The following HYDIN variants were observed in gnomAD, a reference collection of about 807,000 sequenced individuals.
HYDIN encodes HYDIN axonemal central pair apparatus protein.
In HYDIN, 132 loss-of-function variants were observed where a neutral mutation model predicts 403.9. That is an observed-to-expected ratio of 0.33 (90% CI 0.28 to 0.38). HYDIN has a LOEUF of 0.38. Among genes scored for constraint, HYDIN ranks in the 10% least tolerant of loss-of-function variants. The probability of loss-of-function intolerance (pLI) is 1.00; values close to 1 mark genes in which losing one functional copy is unlikely to be tolerated. For synonymous variants in HYDIN, 1,202 were observed against 1,891.7 expected (o/e 0.64, Z 9.46); for missense variants, 2,827 against 5,009.5 (o/e 0.56, Z 13.15).
At chr16:71,152,108 A>G (rs531842734) in intron 7 of HYDIN, among the ~76,000 whole-genome samples, 150 of 150,226 alleles carry the variant, frequency 1.0e-3, no homozygotes, top group African/African-American at 3.5e-3. Flanking sequence ...GACAACCTCA[A>G]TCCACCAGTG....
chr16:71,215,781 T>TG (rs1567463312), intron 1 of HYDIN, among the ~76,000 whole-genome samples: 1 of 144,106 alleles, frequency 6.9e-6, no homozygotes, highest in Non-Finnish European at 1.5e-5. Context: ...AAAACAATAT[T>TG]AAAAAAAAAA....
intron 41 of HYDIN, among the ~76,000 whole-genome samples, chr16:70,947,252 G>A (rs1195648791): frequency 6.8e-6 from 1 of 147,972 alleles, no homozygotes; most frequent in Admixed American, 6.8e-5. Flanking sequence ...AGCATGAAGG[G>A]TTGTTGAATT....
At chr16:70,887,652 C>G (rs977220471) in intron 58 of HYDIN, among the ~76,000 whole-genome samples, 1 of 151,022 alleles carries the variant, frequency 6.6e-6, no homozygotes, top group Admixed American at 6.6e-5. Context: ...ACAGGAATCC[C>G]TATTGTCTGT....
chr16:70,967,554 T>A (rs1330752455), intron 36 of HYDIN, among the ~76,000 whole-genome samples: 1 of 152,008 alleles, frequency 6.6e-6, no homozygotes, highest in African/African-American at 2.4e-5. Flanking sequence ...CGATCACAGC[T>A]CACTGCAACC....
chr16:71,224,082 A>C (rs1439002985), intron 1 of HYDIN, among the ~76,000 whole-genome samples: 2 of 152,250 alleles, frequency 1.3e-5, no homozygotes, highest in African/African-American at 4.8e-5. Flanking sequence ...AGAAAATGTA[A>C]AATGTGTATA....
Position 70,806,677 on chromosome 16 carries a change from TG to T in HYDIN, c.*902del, listed in dbSNP as rs756511529. On this transcript the variant is annotated 3_prime_UTR_variant, in exon 86 of 86. Coordinates refer to ENST00000393567, the MANE Select transcript of HYDIN (RefSeq NM_001270974.2). Reference sequence around the variant, plus strand: ...GTAGGAGGGCTGTGGGGGATGAGTGTGGGGAGCAGGTAGAGGCAGGGGGACC... The same window carrying T: ...GTAGGAGGGCTGTGGGGGATGAGTGTGGGAGCAGGTAGAGGCAGGGGGACC... 9.9e-5 allele frequency among the ~76,000 whole-genome samples: 15 copies of T among 152,016 alleles called. No homozygotes were observed. Among genetic ancestry groups the T allele is most frequent in the Non-Finnish European group, 1.8e-4 (12 of 67,980 alleles).
At chr16:70,927,800 T>C (rs1371586043) in intron 45 of HYDIN, among the ~76,000 whole-genome samples, 1 of 151,912 alleles carries the variant, frequency 6.6e-6, no homozygotes, top group Non-Finnish European at 1.5e-5. Flanking sequence ...AAGACAAAGA[T>C]AGAAAAATAA....
At chr16:71,061,965 G>A (rs1433961501) in intron 17 of HYDIN, among the ~76,000 whole-genome samples, 1 of 151,898 alleles carries the variant, frequency 6.6e-6, no homozygotes, top group Admixed American at 6.6e-5. Flanking sequence ...ATAAAACACC[G>A]CTTCTGTTAG....
chr16:70,965,153 T>C (rs1343642635), intron 36 of HYDIN, among the ~76,000 whole-genome samples: 17 of 152,076 alleles, frequency 1.1e-4, no homozygotes, highest in Non-Finnish European at 2.2e-4. Context: ...AAATATGTTT[T>C]CTTCTTGTTT....
At chr16:71,087,828 G>A (rs71403833) in intron 12 of HYDIN, 42,512 of 150,154 alleles carry the variant, frequency 0.28, 4,825 homozygotes, top group East Asian at 0.46. Flanking sequence ...CTGCTGCTGT[G>A]GGAATCCAAA....
At chr16:70,902,819 A>ATTTTTTTTTTT (rs1444020291) in intron 52 of HYDIN, among the ~76,000 whole-genome samples, 1 of 17,196 alleles carries the variant, frequency 5.8e-5, no homozygotes, top group African/African-American at 2.4e-4. Flanking sequence ...ATATATATAT[A>ATTTTTTTTTTT]TATTTTTTTT....
intron 18 of HYDIN, among the ~76,000 whole-genome samples, chr16:71,052,250 T>C (rs987052541): frequency 6.6e-6 from 1 of 151,724 alleles, no homozygotes; most frequent in African/African-American, 2.4e-5. Context: ...GTTATTGTTA[T>C]CATTAAGCTG....
chr16:70,945,536 C>A (rs1260156843), intron 41 of HYDIN, among the ~76,000 whole-genome samples: 1 of 152,150 alleles, frequency 6.6e-6, no homozygotes. Context: ...TTAAGTAATG[C>A]AACTGAGTGA....
At chr16:71,225,022 A>C (rs1271762069) in intron 1 of HYDIN, among the ~76,000 whole-genome samples, 1 of 152,176 alleles carries the variant, frequency 6.6e-6, no homozygotes, top group Non-Finnish European at 1.5e-5. Context: ...GAGGATTCTT[A>C]AGGTAAGAGG....
At chr16:70,931,818 C>T (rs1368266941) in intron 45 of HYDIN, among the ~76,000 whole-genome samples, 1 of 151,508 alleles carries the variant, frequency 6.6e-6, no homozygotes, top group Non-Finnish European at 1.5e-5. Context: ...AGTTCAAGAC[C>T]AGCCTGGCCA....
intron 21 of HYDIN, among the ~76,000 whole-genome samples, chr16:71,024,263 A>C (rs1485804454): frequency 6.6e-6 from 1 of 152,212 alleles, no homozygotes; most frequent in Non-Finnish European, 1.5e-5. Context: ...TCCTTGGCAC[A>C]TTCTCTGTCC....
At chr16:71,059,889 A>G (rs1258613252) in intron 18 of HYDIN, among the ~76,000 whole-genome samples, 1 of 151,998 alleles carries the variant, frequency 6.6e-6, no homozygotes. Context: ...AGACAAATCC[A>G]TTTCTAAAAC....
intron 1 of HYDIN, among the ~76,000 whole-genome samples, chr16:71,196,821 C>T (rs758635415): frequency 1.3e-5 from 2 of 152,134 alleles, no homozygotes; most frequent in East Asian, 1.9e-4. Flanking sequence ...TCCACCAGTG[C>T]CATGAAAGTT....
chr16:71,148,442 A>T (rs2085404776), intron 7 of HYDIN, among the ~76,000 whole-genome samples: 1 of 152,220 alleles, frequency 6.6e-6, no homozygotes, highest in African/African-American at 2.4e-5. Flanking sequence ...AACTATTATT[A>T]TCTGCAGATG....
Sources: allele counts gnomAD v4.1 joint callset (sites outside exome capture counted in the v4.1 genomes callset), GRCh38; gene constraint gnomAD v4.1.1; transcripts MANE v1.5; gene names NCBI Gene and HGNC (gene_info 2026-07-23, HGNC 2026-07-21).